Variants in CRIPT observed in about 807,000 individuals in gnomAD.
The protein encoded by CRIPT is CXXC repeat containing interactor of PDZ3 domain, also known as cysteine-rich PDZ-binding protein.
In CRIPT, 20 loss-of-function variants were observed where a neutral mutation model predicts 16.6. The ratio of observed to expected loss-of-function variants is 1.20; its 90% CI spans 0.85 to 1.75. The LOEUF is 1.75. Ranked by LOEUF, CRIPT falls within the 40% of genes most tolerant of loss-of-function variation. The probability of loss-of-function intolerance (pLI) is 0.00; values close to 1 mark genes in which losing one functional copy is unlikely to be tolerated. For missense variants in CRIPT, 133 were observed against 115.3 expected (o/e 1.15, Z -0.70); for synonymous variants, 42 against 37.0 (o/e 1.14, Z -0.49).
In CRIPT at chr2:46,619,497, C is replaced by A. The variant is rs1171046054; in HGVS notation, c.83-130C>A. On this transcript the variant is annotated intron_variant, in intron 2 of 4. Coordinates refer to ENST00000238892, the MANE Select transcript of CRIPT (RefSeq NM_014171.6). ...TTCTTTTTAAGCAGTATCTTAATAA[C>A]CTATTAAATGAGGATTTAAAAATTA... 7.1e-6 allele frequency: 4 copies of A among 562,320 alleles called. No individual in the cohort carries two copies. The African/African-American group carries it at 7.8e-5, about 11-fold the overall frequency. The allele number at this position is 562,320 out of a possible 1,614,324, so 34.8% of individuals were successfully genotyped here. A position where few individuals can be genotyped will look rare whatever the true frequency, so the allele number is the denominator to read the frequency against.
At chr2:46,623,667 G>C in intron 3 of CRIPT, 97 bp from the exon 4 acceptor site, 1 of 640,732 alleles carries the variant, frequency 1.6e-6, no homozygotes, top group South Asian at 2.0e-5. Flanking sequence ...TGGAGGGATG[G>C]AGAGCATGGA....
rs1264177773 is a variant in CRIPT, at chr2:46,626,761, T to C, written c.*2534T>C. ...ATGTTTGTTAACCGCTTGTATGTTG[T>C]CTTTTGAGAAGTGTCTGTTCAAGTC... is the stretch of plus-strand genomic sequence containing the variant. On this transcript the variant is annotated 3_prime_UTR_variant, in exon 5 of 5. Transcript: ENST00000238892. Among the ~76,000 whole-genome samples, 2 of 152,206 alleles carry C rather than the reference T, an allele frequency of 1.3e-5. No individual in the cohort carries two copies. Among genetic ancestry groups the C allele is most frequent in the African/African-American group, 4.8e-5 (2 of 41,452 alleles).
Position 46,629,633 on chromosome 2 carries a change from G to T in CRIPT, c.*5406G>T, listed in dbSNP as rs969878168. The stretch of plus-strand genomic sequence containing the variant: ...GATGTTTCCTCATGGTTAGATTGGG[G>T]TAGTGCAGTGAGGGTTGAAATGCTG... On this transcript the variant is annotated 3_prime_UTR_variant, in exon 5 of 5. Transcript: ENST00000238892. Among the ~76,000 whole-genome samples the T allele has an allele frequency of 2.6e-5, 4 of 152,140 alleles. No homozygotes were observed. The highest frequency in any genetic ancestry group is 5.9e-5 in the Non-Finnish European group (4 of 68,016).
In CRIPT at chr2:46,628,003, G is replaced by C. The variant is rs1048088991; in HGVS notation, c.*3776G>C. Among the ~76,000 whole-genome samples, 5 of 151,912 alleles carry C rather than the reference G, an allele frequency of 3.3e-5. No individual in the cohort carries two copies. Among genetic ancestry groups the C allele is most frequent in the Admixed American group, 3.3e-4 (5 of 15,260 alleles). ...TCTGTACCATGCTGTTTTGGTTACT[G>C]TAGCTTCCTTATAGTATAGTTTAAC... On this transcript the variant is annotated 3_prime_UTR_variant, in exon 5 of 5. Coordinates refer to ENST00000238892, the MANE Select transcript of CRIPT (RefSeq NM_014171.6).
In CRIPT at chr2:46,625,721, A is replaced by G. The variant is rs1304734258; in HGVS notation, c.*1494A>G. On this transcript the variant is annotated 3_prime_UTR_variant, in exon 5 of 5. Transcript: ENST00000238892. Reference sequence around the variant, plus strand: ...AATTACAAGGATAATACAGAATATAATAAATAATTTATCTGAGAGCAGGAA... The same window carrying G: ...AATTACAAGGATAATACAGAATATAGTAAATAATTTATCTGAGAGCAGGAA... 1 of 152,164 alleles carries G rather than the reference A, an allele frequency of 6.6e-6. No homozygotes were observed. The highest frequency in any genetic ancestry group is 2.1e-4 in the South Asian group (1 of 4,826). The allele number at this position is 152,164 out of a possible 1,614,324, so 9.4% of individuals were successfully genotyped here.
At chr2:46,620,918 T>C (rs1454151517) in intron 3 of CRIPT, among the ~76,000 whole-genome samples, 1 of 151,944 alleles carries the variant, frequency 6.6e-6, no homozygotes, top group African/African-American at 2.4e-5. Context: ...AAAGCTAGAA[T>C]TCCTCACTGA....
chr2:46,624,313 C>T lies in CRIPT; in HGVS notation c.*86C>T. 2 of 830,960 alleles carry T rather than the reference C, an allele frequency of 2.4e-6. No individual in the cohort carries two copies. The highest frequency in any genetic ancestry group is 2.7e-4 in the Middle Eastern group (1 of 3,650). The allele number at this position is 830,960 out of a possible 1,614,324, so 51.5% of individuals were successfully genotyped here. ...GCATAGATGTCAACTTACAGAATAACATGTTTTAAGATAATTAAGTTTAAA... is the reference window on the plus strand; with the variant it reads ...GCATAGATGTCAACTTACAGAATAATATGTTTTAAGATAATTAAGTTTAAA... On this transcript the variant is annotated 3_prime_UTR_variant, in exon 5 of 5. Coordinates refer to ENST00000238892, the MANE Select transcript of CRIPT (RefSeq NM_014171.6).
In CRIPT at chr2:46,625,718, ATAAT is replaced by A. The variant is rs1238265496; in HGVS notation, c.*1492_*1495del. ...AAAAATTACAAGGATAATACAGAAT[ATAAT>A]AAATAATTTATCTGAGAGCAGGAAG... On this transcript the variant is annotated 3_prime_UTR_variant, in exon 5 of 5. Coordinates refer to ENST00000238892, the MANE Select transcript of CRIPT (RefSeq NM_014171.6). The A allele has an allele frequency of 6.6e-6, 1 of 152,182 alleles. No individual in the cohort carries two copies. Among genetic ancestry groups the A allele is most frequent in the Non-Finnish European group, 1.5e-5 (1 of 68,034 alleles). 9.4% of individuals were successfully genotyped at this position (152,182 alleles called of 1,614,324 possible).
At chr2:46,618,681 G>A (rs1467889896) in intron 1 of CRIPT, 92 bp from the exon 2 acceptor site, 20 of 731,372 alleles carry the variant, frequency 2.7e-5, no homozygotes, top group Non-Finnish European at 4.6e-5. Flanking sequence ...TAATACCATT[G>A]ATAGTCGATA....
At chr2:46,618,667 A>G in intron 1 of CRIPT, 106 bp from the exon 2 acceptor site, 2 of 624,816 alleles carry the variant, frequency 3.2e-6, no homozygotes, top group Non-Finnish European at 5.5e-6. Context: ...ACAGGCTCCT[A>G]CGGTAATACC....
At chr2:46,623,664 A>G (rs1572796085) in intron 3 of CRIPT, 100 bp from the exon 4 acceptor site, 2 of 630,698 alleles carry the variant, frequency 3.2e-6, no homozygotes, top group Non-Finnish European at 2.8e-6. Context: ...TGATGGAGGG[A>G]TGGAGAGCAT....
chr2:46,617,553 T>C (rs1281846148), intron 1 of CRIPT, among the ~76,000 whole-genome samples: 1 of 152,166 alleles, frequency 6.6e-6, no homozygotes, highest in African/African-American at 2.4e-5. Flanking sequence ...CCAGATCTCA[T>C]CAGCTCTCCT....
chr2:46,618,760 C>G lies in CRIPT; in HGVS notation c.17-13C>G. On this transcript the variant is annotated splice_polypyrimidine_tract_variant and intron_variant, in intron 1 of 4. Transcript: ENST00000238892. ...TAAAGTTTAATTTTCCTTTTACTAT[C>G]TTGTTCTAACAGGTGAAAAGAAACT... 6.4e-7 allele frequency: 1 copy of G among 1,571,080 alleles called. No individual in the cohort carries two copies. Among genetic ancestry groups the G allele is most frequent in the Middle Eastern group, 1.7e-4 (1 of 5,830 alleles).
chr2:46,627,375 A>G lies in CRIPT; in HGVS notation c.*3148A>G, dbSNP rs1670964638. On this transcript the variant is annotated 3_prime_UTR_variant, in exon 5 of 5. Transcript: ENST00000238892. The stretch of plus-strand genomic sequence containing the variant: ...AGCCGTAAGTTCTTTCCCATAGCTG[A>G]TGTCCAGATGTTATTTCGTAGGTTT... 6.6e-6 allele frequency among the ~76,000 whole-genome samples: 1 copy of G among 151,214 alleles called. No homozygotes were observed. Among genetic ancestry groups the G allele is most frequent in the African/African-American group, 2.4e-5 (1 of 41,200 alleles).
At chr2:46,618,106 C>T (rs1232473793) in intron 1 of CRIPT, among the ~76,000 whole-genome samples, 2 of 151,374 alleles carry the variant, frequency 1.3e-5, no homozygotes. Context: ...GCCTTCTCCC[C>T]AAACTTTCTT....
chr2:46,623,937 A>G (rs1422277727), intron 4 of CRIPT, 70 bp downstream of exon 4: 22 of 1,125,106 alleles, frequency 2.0e-5, no homozygotes, highest in Non-Finnish European at 2.7e-5. Context: ...GGTTAACAGA[A>G]AAGATGTAGC....
chr2:46,621,365 T>C (rs1325089480), intron 3 of CRIPT, among the ~76,000 whole-genome samples: 1 of 152,180 alleles, frequency 6.6e-6, no homozygotes, highest in Non-Finnish European at 1.5e-5. Flanking sequence ...CTTGCTGCTG[T>C]CTCCTAGGAG....
rs1671009567 is a variant in CRIPT, at chr2:46,628,974, T to G, written c.*4747T>G. Among the ~76,000 whole-genome samples, 1 of 152,138 alleles carries G rather than the reference T, an allele frequency of 6.6e-6. No homozygotes were observed. The highest frequency in any genetic ancestry group is 1.5e-5 in the Non-Finnish European group (1 of 68,022). ...AATAAATGTAAAAGTGATGAAAGAA[T>G]CTGTTAAGATATCAGATTGTAATAT... On this transcript the variant is annotated 3_prime_UTR_variant, in exon 5 of 5. Transcript: ENST00000238892.
chr2:46,618,782 A>T lies in CRIPT; in HGVS notation c.26A>T (p.Lys9Ile). The change falls in exon 2 of 5, where the codon AAA (lysine) becomes ATA (isoleucine). Residue 9 changes from lysine (K) to isoleucine (I), a missense_variant. Transcript: ENST00000238892. ...TATCTTGTTCTAACAGGTGAAAAGA[A>T]ACTTGGTACTGTTATCACTCCAGAT... MVCEKCEKKLGTVITPDTW... is the reference protein window; with the variant it reads MVCEKCEKILGTVITPDTW... 2 of 1,602,048 alleles carry T rather than the reference A, an allele frequency of 1.2e-6. No homozygotes were observed. The highest frequency in any genetic ancestry group is 1.7e-6 in the Non-Finnish European group (2 of 1,172,668).
Sources: gnomAD v4.1 joint callset for allele counts (sites outside exome capture counted in the v4.1 genomes callset) on GRCh38, gnomAD v4.1.1 for gene constraint, MANE v1.5 for transcripts, NCBI Gene and HGNC (gene_info 2026-07-23, HGNC 2026-07-21) for gene names.